FYN: variants seen among roughly 807,000 people sequenced by gnomAD.
FYN encodes FYN proto-oncogene, Src family tyrosine kinase.
Under a neutral mutation model 70.2 loss-of-function variants are expected in FYN, and 10 were observed. The ratio of observed to expected loss-of-function variants is 0.14; its 90% CI spans 0.09 to 0.24. The LOEUF (loss-of-function observed/expected upper bound fraction) is 0.24, where lower values mean the gene tolerates loss of function less well. Ranked by LOEUF, FYN falls within the 10% of genes least tolerant of loss-of-function variation. FYN has a pLI of 1.00. For missense variants in FYN, 319 were observed against 673.1 expected, an observed-to-expected ratio of 0.47 and a Z score of 5.82; for synonymous variants, 236 against 248.6, an observed-to-expected ratio of 0.95 and a Z score of 0.48.
At chr6:111,680,819 C>A (rs758461730) in intron 12 of FYN, among the ~76,000 whole-genome samples, 1 of 152,120 alleles carries the variant, frequency 6.6e-6, no homozygotes, top group South Asian at 2.1e-4. Flanking sequence ...TATTCCAACC[C>A]GCAAAGCTCA....
chr6:111,762,789 G>A (rs1437619896), intron 3 of FYN, among the ~76,000 whole-genome samples: 1 of 150,856 alleles, frequency 6.6e-6, no homozygotes, highest in Non-Finnish European at 1.5e-5. Context: ...GATAGGTGAT[G>A]AGCTTAAAAA....
Position 111,661,997 on chromosome 6 carries a change from G to T in FYN, c.1406-50C>A. 2.7e-6 allele frequency: 4 copies of T among 1,461,128 alleles called. No homozygotes were observed. The highest frequency in any genetic ancestry group is 2.6e-5 in the South Asian group (2 of 77,766). The allele number at this position is 1,461,128 out of a possible 1,614,324, so 90.5% of individuals were successfully genotyped here. ...TGGGCACCCCGGGGATCCAGGCCCT[G>T]ACCGCCGCACTTGCAGATCCCCTTT... On this transcript the variant is annotated intron_variant, in intron 13 of 13. Coordinates refer to ENST00000354650, the MANE Select transcript of FYN (RefSeq NM_002037.5). The surrounding 1 kb of genome is among the most constrained non-coding windows in gnomAD (Gnocchi z 4.0).
intron 5 of FYN, among the ~76,000 whole-genome samples, chr6:111,713,585 G>A (rs890173806): frequency 1.3e-5 from 2 of 151,794 alleles, no homozygotes; most frequent in African/African-American, 4.8e-5. Flanking sequence ...TTTCTGAAGG[G>A]CCTCATCCAC....
chr6:111,745,612 G>C (rs975758255), intron 3 of FYN, among the ~76,000 whole-genome samples: 3 of 152,160 alleles, frequency 2.0e-5, no homozygotes, highest in Admixed American at 2.0e-4. Flanking sequence ...ATGTGAAGGA[G>C]GGAGCAGGCC....
chr6:111,673,929 T>G (rs1215908500), intron 13 of FYN, among the ~76,000 whole-genome samples: 2 of 152,014 alleles, frequency 1.3e-5, no homozygotes, highest in Non-Finnish European at 2.9e-5. Flanking sequence ...TACATTATAC[T>G]TGCTTTGGTA....
intron 3 of FYN, among the ~76,000 whole-genome samples, chr6:111,723,941 T>G (rs1801071345): frequency 6.6e-6 from 1 of 152,162 alleles, no homozygotes; most frequent in Admixed American, 6.5e-5. Flanking sequence ...ATGGCTATAG[T>G]CTTCTGCAAG....
intron 1 of FYN, among the ~76,000 whole-genome samples, chr6:111,851,310 G>C (rs1773680011): frequency 6.6e-6 from 1 of 152,148 alleles, no homozygotes; most frequent in East Asian, 1.9e-4. Flanking sequence ...TCATTAAAAA[G>C]GTAATACACG....
intron 3 of FYN, among the ~76,000 whole-genome samples, chr6:111,747,681 C>T (rs1052645479): frequency 2.6e-5 from 4 of 152,128 alleles, no homozygotes; most frequent in Admixed American, 2.0e-4. Flanking sequence ...ACAATGGAAA[C>T]GAAAAGCTCT....
At chr6:111,684,719 G>A (rs918704676) in intron 12 of FYN, among the ~76,000 whole-genome samples, 1 of 152,106 alleles carries the variant, frequency 6.6e-6, no homozygotes, top group Non-Finnish European at 1.5e-5. Flanking sequence ...GTAACTTATG[G>A]GGGCAACACA....
At chr6:111,692,823 A>G (rs1329991082) in intron 12 of FYN, among the ~76,000 whole-genome samples, 1 of 152,204 alleles carries the variant, frequency 6.6e-6, no homozygotes, top group Non-Finnish European at 1.5e-5. Context: ...TCTCAGATCC[A>G]CTGGCACTCA....
chr6:111,825,230 A>C (rs1772796558), intron 2 of FYN, among the ~76,000 whole-genome samples: 1 of 152,210 alleles, frequency 6.6e-6, no homozygotes, highest in African/African-American at 2.4e-5. Flanking sequence ...TTTTCCATGT[A>C]GCTACTGTAC....
intron 12 of FYN, among the ~76,000 whole-genome samples, chr6:111,678,106 A>ATGTGTGTGTGTGTG (rs201367268): frequency 7.8e-4 from 92 of 118,600 alleles, no homozygotes; most frequent in African/African-American, 3.9e-3. Flanking sequence ...GAAGGCCATA[A>ATGTGTGTGTGTGTG]TATGTGTGTG....
rs553230790 is a variant in FYN, at chr6:111,851,421, C to T, written c.-122-4792G>A. Among the ~76,000 whole-genome samples, 177 of 152,278 alleles carry T rather than the reference C, an allele frequency of 1.2e-3. 1 individual carries two copies. The highest frequency in any genetic ancestry group is 1.7e-3 in the Non-Finnish European group (114 of 68,018). ...AACATACAAATTTCCACATTCTACC[C>T]CAGCACCTCCGCCTTGCACATCACA... On this transcript the variant is annotated intron_variant, in intron 1 of 13. Transcript: ENST00000354650.
rs188731713 is a variant in FYN, at chr6:111,834,938, C to T, written c.-82+11651G>A. ...CAGACTCTCAACTTGGCATAATTCT[C>T]CACCTTCCCCTATCCCCATTTTAAG... On this transcript the variant is annotated intron_variant, in intron 2 of 13. Coordinates refer to ENST00000354650, the MANE Select transcript of FYN (RefSeq NM_002037.5). 2.8e-3 allele frequency among the ~76,000 whole-genome samples: 423 copies of T among 152,296 alleles called. 2 individuals are homozygous for T. Among genetic ancestry groups the T allele is most frequent in the Non-Finnish European group, 1.6e-3 (111 of 68,014 alleles).
At chr6:111,744,805 C>A (rs1802133986) in intron 3 of FYN, among the ~76,000 whole-genome samples, 1 of 152,110 alleles carries the variant, frequency 6.6e-6, no homozygotes, top group African/African-American at 2.4e-5. Flanking sequence ...AAAAAACCCC[C>A]AAAATACAAA....
chr6:111,678,077 T>C (rs1798612314), intron 12 of FYN, among the ~76,000 whole-genome samples: 1 of 150,266 alleles, frequency 6.7e-6, no homozygotes. Context: ...TTAGGATTCT[T>C]TAGGATAAGC....
At chr6:111,695,576 GA>G (rs942567460) in intron 10 of FYN, among the ~76,000 whole-genome samples, 1 of 151,150 alleles carries the variant, frequency 6.6e-6, no homozygotes, top group Non-Finnish European at 1.5e-5. Context: ...CCGTTTGCCA[GA>G]AAAAAAAATT....
At chr6:111,688,389 C>A (rs1799128365) in intron 12 of FYN, among the ~76,000 whole-genome samples, 1 of 152,180 alleles carries the variant, frequency 6.6e-6, no homozygotes, top group Admixed American at 6.5e-5. Context: ...ATTTGATTCC[C>A]AGAGAGAGCC....
chr6:111,801,713 C>T (rs1373797973), intron 2 of FYN, among the ~76,000 whole-genome samples: 1 of 152,156 alleles, frequency 6.6e-6, no homozygotes, highest in Non-Finnish European at 1.5e-5. Context: ...AAAACAGTGC[C>T]TGGGTTGTGC....
Sources: allele counts gnomAD v4.1 joint callset (sites outside exome capture counted in the v4.1 genomes callset), GRCh38; gene constraint gnomAD v4.1.1; non-coding constraint Gnocchi (gnomAD v3.1); transcripts MANE v1.5; gene names NCBI Gene and HGNC (gene_info 2026-07-23, HGNC 2026-07-21).